Variants in PDE1C observed in about 807,000 individuals in gnomAD.
PDE1C encodes the protein dual specificity calcium/calmodulin-dependent 3',5'-cyclic nucleotide phosphodiesterase 1C.
Under a neutral mutation model 93.1 loss-of-function variants are expected in PDE1C, and 62 were observed. The observed-to-expected ratio is 0.67, with a 90% confidence interval of 0.54 to 0.82. PDE1C has a LOEUF of 0.82. Among genes scored for constraint, PDE1C ranks in the 40% least tolerant of loss-of-function variants. The probability of loss-of-function intolerance (pLI) is 0.00; values close to 1 mark genes in which losing one functional copy is unlikely to be tolerated. For synonymous variants in PDE1C, 325 were observed against 310.1 expected (o/e 1.05, Z -0.50); for missense variants, 742 against 884.6 (o/e 0.84, Z 2.04).
At chr7:31,717,318 G>T in the PDE1C span, among the ~76,000 whole-genome samples, 8 of 152,140 alleles carry the variant, frequency 5.3e-5, no homozygotes, top group African/African-American at 9.7e-5. Flanking sequence ...ACAGAACAAC[G>T]GTAATTTTTC....
At chr7:32,329,709 C>T (rs1783475160) in intron 1 of PDE1C, among the ~76,000 whole-genome samples, 3 of 152,164 alleles carry the variant, frequency 2.0e-5, no homozygotes, top group Non-Finnish European at 4.4e-5. Context: ...TGAGCATATC[C>T]TCTTCAAGGC....
intron 11 of PDE1C, among the ~76,000 whole-genome samples, chr7:31,829,437 A>G (rs1790101038): frequency 6.6e-6 from 1 of 152,180 alleles, no homozygotes; most frequent in Non-Finnish European, 1.5e-5. Flanking sequence ...TCCGATTGTA[A>G]TAAGTACTGT....
chr7:32,165,197 T>C (rs560764695), intron 3 of PDE1C, among the ~76,000 whole-genome samples: 1 of 152,306 alleles, frequency 6.6e-6, no homozygotes, highest in Admixed American at 6.5e-5. Context: ...ATGTGTAGGC[T>C]TCAAGGGCAT....
chr7:32,313,907 T>TAATAA (rs933295661), intron 1 of PDE1C, among the ~76,000 whole-genome samples: 10 of 151,672 alleles, frequency 6.6e-5, no homozygotes, highest in East Asian at 1.9e-4. Flanking sequence ...AGTATAATAA[T>TAATAA]AATAAAATAA....
At chr7:32,323,780 C>T (rs1049219835) in intron 1 of PDE1C, among the ~76,000 whole-genome samples, 4 of 152,190 alleles carry the variant, frequency 2.6e-5, no homozygotes, top group Admixed American at 2.0e-4. Context: ...AGCAGAAAGT[C>T]CAGAGAGCCT....
chr7:31,647,816 C>T, the PDE1C span, among the ~76,000 whole-genome samples: 1 of 151,908 alleles, frequency 6.6e-6, no homozygotes, highest in Non-Finnish European at 1.5e-5. Context: ...ATTATCTTAC[C>T]CCCCTAATAT....
At chr7:32,179,726 G>C (rs1242252625) in intron 2 of PDE1C, among the ~76,000 whole-genome samples, 1 of 152,158 alleles carries the variant, frequency 6.6e-6, no homozygotes, top group Non-Finnish European at 1.5e-5. Flanking sequence ...GCCTAAGAGT[G>C]GCAGCTTGAT....
chr7:32,206,371 T>C (rs1267093358), intron 2 of PDE1C, among the ~76,000 whole-genome samples: 1 of 152,112 alleles, frequency 6.6e-6, no homozygotes, highest in Non-Finnish European at 1.5e-5. Context: ...GCCCATGGGC[T>C]CAAGGAGCTG....
chr7:32,012,561 A>G (rs755616811), intron 2 of PDE1C, among the ~76,000 whole-genome samples: 88 of 152,174 alleles, frequency 5.8e-4, no homozygotes, highest in Non-Finnish European at 9.8e-4. Flanking sequence ...GAAAATGCAA[A>G]ATAATTGACA....
At chr7:32,274,025 C>G (rs1039715586) in intron 1 of PDE1C, among the ~76,000 whole-genome samples, 3 of 151,748 alleles carry the variant, frequency 2.0e-5, no homozygotes, top group African/African-American at 4.8e-5. Flanking sequence ...GAAACATACA[C>G]CAGAGGACAG....
At chr7:32,208,323 T>C (rs1015825271) in intron 2 of PDE1C, among the ~76,000 whole-genome samples, 7 of 152,162 alleles carry the variant, frequency 4.6e-5, no homozygotes, top group African/African-American at 1.7e-4. Flanking sequence ...TCAGACCTAG[T>C]CAACCCTGCA....
intron 1 of PDE1C, among the ~76,000 whole-genome samples, chr7:32,221,810 G>C (rs746797530): frequency 9.2e-5 from 14 of 152,168 alleles, no homozygotes; most frequent in African/African-American, 3.1e-4. Flanking sequence ...TTGATACTGT[G>C]TAAGTGTGAG....
At chr7:32,030,777 T>C (rs777375909) in intron 2 of PDE1C, among the ~76,000 whole-genome samples, 31 of 152,144 alleles carry the variant, frequency 2.0e-4, no homozygotes, top group Non-Finnish European at 3.8e-4. Flanking sequence ...ATGCTATTAC[T>C]ATCTGTGAAT....
At position 31,837,309 on chromosome 7, in the gene PDE1C, CA is replaced by C; in HGVS notation, c.1083-10del. ...CTTTTGGCTTTTCAATGCTGTAAAC[CA>C]AAAGCACCCAAACACATGATAACCA... On this transcript the variant is annotated splice_polypyrimidine_tract_variant and intron_variant, in intron 10 of 17. Transcript: ENST00000396191. 1 of 1,600,142 alleles carries C rather than the reference CA, an allele frequency of 6.2e-7. No individual in the cohort carries two copies. Among genetic ancestry groups the C allele is most frequent in the Non-Finnish European group, 8.5e-7 (1 of 1,172,138 alleles).
chr7:32,215,734 G>A (rs563377260), intron 1 of PDE1C, among the ~76,000 whole-genome samples: 6 of 152,332 alleles, frequency 3.9e-5, no homozygotes, highest in Non-Finnish European at 5.9e-5. Context: ...GGCCTAGAAA[G>A]GTGCACACTG....
intron 1 of PDE1C, among the ~76,000 whole-genome samples, chr7:32,222,402 G>A (rs546931741): frequency 3.9e-5 from 6 of 152,228 alleles, no homozygotes; most frequent in African/African-American, 1.4e-4. Flanking sequence ...ACTAGCACAG[G>A]GCCTGGCACA....
At chr7:31,834,216 G>C (rs1214928994) in intron 11 of PDE1C, among the ~76,000 whole-genome samples, 1 of 152,208 alleles carries the variant, frequency 6.6e-6, no homozygotes, top group Non-Finnish European at 1.5e-5. Flanking sequence ...TTTGCTGCAG[G>C]GGCAGGGCCT....
chr7:31,998,729 A>G (rs117401039), intron 2 of PDE1C, among the ~76,000 whole-genome samples: 1,862 of 152,338 alleles, frequency 0.012, 17 homozygotes, highest in Non-Finnish European at 0.018. Context: ...AAAAATTCTA[A>G]TACTAAAAGT....
At chr7:31,985,145 G>C (rs145355772) in intron 2 of PDE1C, among the ~76,000 whole-genome samples, 1,940 of 152,290 alleles carry the variant, frequency 0.013, 13 homozygotes, top group Middle Eastern at 0.044. Flanking sequence ...TCAGCGCACG[G>C]ACAAGGGCCA....
Sources: gnomAD v4.1 joint callset for allele counts (sites outside exome capture counted in the v4.1 genomes callset) on GRCh38, gnomAD v4.1.1 for gene constraint, MANE v1.5 for transcripts, NCBI Gene and HGNC (gene_info 2026-07-23, HGNC 2026-07-21) for gene names.